CDH12: variants seen among roughly 807,000 people sequenced by gnomAD.
CDH12 encodes cadherin 12.
CDH12 carries 41 observed loss-of-function variants against 74.1 expected under a neutral mutation model. The ratio of observed to expected loss-of-function variants is 0.55; its 90% CI spans 0.43 to 0.72. CDH12 has a LOEUF of 0.72. CDH12 is among the 30% of genes least tolerant of loss of function. The pLI is 0.00. For missense variants in CDH12, 945 were observed against 977.2 expected (o/e 0.97, Z 0.44); for synonymous variants, 399 against 355.0 (o/e 1.12, Z -1.39).
At chr5:21,972,254 C>T (rs1286019374) in intron 6 of CDH12, among the ~76,000 whole-genome samples, 1 of 152,002 alleles carries the variant, frequency 6.6e-6, no homozygotes, top group Non-Finnish European at 1.5e-5. Context: ...ATTAATTCTT[C>T]CCTTTTTTTG....
chr5:22,416,398 T>A (rs2126485278), intron 2 of CDH12, among the ~76,000 whole-genome samples: 1 of 152,260 alleles, frequency 6.6e-6, no homozygotes, highest in East Asian at 1.9e-4. Context: ...AAGGTGATTT[T>A]TCTGGAATAT....
chr5:22,466,186 T>C (rs1745720892), intron 2 of CDH12, among the ~76,000 whole-genome samples: 1 of 152,228 alleles, frequency 6.6e-6, no homozygotes, highest in Admixed American at 6.5e-5. Context: ...TTGATAACCC[T>C]CCTTCCTGAG....
chr5:22,262,578 G>A lies in CDH12; in HGVS notation c.-332-49935C>T, dbSNP rs1196889240. Among the ~76,000 whole-genome samples, 9 of 150,870 alleles carry A rather than the reference G, an allele frequency of 6.0e-5. No individual in the cohort carries two copies. In the South Asian group the frequency reaches 6.3e-4, roughly 11 times the overall value. ...GTGAATAGTGCCGCAATAAACATAC[G>A]TGTGCATGTGTCTTTATAGCAGCAT... On this transcript the variant is annotated intron_variant, in intron 3 of 14. Coordinates refer to ENST00000382254, the MANE Select transcript of CDH12 (RefSeq NM_004061.5).
At chr5:22,175,811 AACTGGATCAGCTC>A (rs1404148268) in intron 4 of CDH12, among the ~76,000 whole-genome samples, 1 of 152,090 alleles carries the variant, frequency 6.6e-6, no homozygotes, top group Admixed American at 6.6e-5. Flanking sequence ...CTTAGCAAGA[AACTGGATCAGCTC>A]ACCTGAACTA....
chr5:22,533,157 G>A (rs553591548), intron 1 of CDH12, among the ~76,000 whole-genome samples: 27 of 152,068 alleles, frequency 1.8e-4, no homozygotes, highest in African/African-American at 6.5e-4. Context: ...TTCTCAACAG[G>A]GAGAGATTTG....
intron 3 of CDH12, among the ~76,000 whole-genome samples, chr5:22,231,918 A>G (rs530404613): frequency 4.8e-4 from 73 of 152,092 alleles, no homozygotes; most frequent in Admixed American, 1.5e-3. Context: ...TACATTGTGC[A>G]TGAAGAAACA....
At chr5:22,329,014 A>ATCTTGCTTTTG (rs1739239382) in intron 3 of CDH12, among the ~76,000 whole-genome samples, 1 of 152,212 alleles carries the variant, frequency 6.6e-6, no homozygotes, top group African/African-American at 2.4e-5. Context: ...AAGGCAAAAT[A>ATCTTGCTTTTG]AACAAGACAA....
chr5:22,637,523 A>G (rs1378153787), intron 1 of CDH12, among the ~76,000 whole-genome samples: 1 of 152,240 alleles, frequency 6.6e-6, no homozygotes, highest in Non-Finnish European at 1.5e-5. Context: ...GCACAGGACA[A>G]AAGTACTCCT....
intron 1 of CDH12, among the ~76,000 whole-genome samples, chr5:22,676,727 G>T (rs1260053972): frequency 2.6e-5 from 4 of 152,152 alleles, no homozygotes; most frequent in Non-Finnish European, 5.9e-5. Flanking sequence ...TCACAGTGTG[G>T]TAAGTTCTAC....
At chr5:22,327,657 A>G (rs1739178484) in intron 3 of CDH12, among the ~76,000 whole-genome samples, 1 of 152,148 alleles carries the variant, frequency 6.6e-6, no homozygotes. Context: ...TATTACTTTT[A>G]CCTCTTACTA....
intron 1 of CDH12, among the ~76,000 whole-genome samples, chr5:22,774,512 A>G (rs1397089825): frequency 6.6e-6 from 1 of 152,040 alleles, no homozygotes; most frequent in Admixed American, 6.6e-5. Context: ...AATGGGAGGT[A>G]ATTGAATCAT....
At chr5:22,585,517 C>T (rs1322721947) in intron 1 of CDH12, among the ~76,000 whole-genome samples, 1 of 152,076 alleles carries the variant, frequency 6.6e-6, no homozygotes. Context: ...TTATCTTCTT[C>T]GGGAAAATCC....
In CDH12 at chr5:21,833,208, T is replaced by TA. The variant is rs1273246760; in HGVS notation, c.814+8952dup. Among the ~76,000 whole-genome samples the TA allele has an allele frequency of 8.2e-3, 351 of 42,612 alleles. 139 individuals are homozygous for TA. The highest frequency in any genetic ancestry group is 0.023 in the African/African-American group (104 of 4,444). The allele number at this position is 42,612 out of a possible 152,430, so 28.0% of individuals were successfully genotyped here. ...TATATAACATATAATATATATATTA[T>TA]AATATATATTATATGTTATATAACA... On this transcript the variant is annotated intron_variant, in intron 8 of 14. Coordinates refer to ENST00000382254, the MANE Select transcript of CDH12 (RefSeq NM_004061.5).
intron 3 of CDH12, among the ~76,000 whole-genome samples, chr5:22,341,370 G>A (rs901808442): frequency 1.3e-5 from 2 of 152,118 alleles, no homozygotes; most frequent in African/African-American, 2.4e-5. Flanking sequence ...GGCTATGTTT[G>A]ACTTGAGCAG....
chr5:22,573,820 T>C (rs1739649531), intron 1 of CDH12, among the ~76,000 whole-genome samples: 3 of 152,116 alleles, frequency 2.0e-5, no homozygotes, highest in Non-Finnish European at 4.4e-5. Context: ...ATGAAATTGA[T>C]ATATTGGACT....
At chr5:22,408,529 C>T (rs911487866) in intron 2 of CDH12, among the ~76,000 whole-genome samples, 4 of 151,352 alleles carry the variant, frequency 2.6e-5, no homozygotes, top group African/African-American at 4.9e-5. Flanking sequence ...TGCCAAGTAA[C>T]ATTGAAGAAT....
intron 5 of CDH12, among the ~76,000 whole-genome samples, chr5:21,977,142 T>TA (rs753597083): frequency 4.6e-5 from 7 of 152,086 alleles, no homozygotes; most frequent in Non-Finnish European, 8.8e-5. Flanking sequence ...GGTAATATAA[T>TA]AAAAATAATG....
intron 1 of CDH12, among the ~76,000 whole-genome samples, chr5:22,605,741 C>T (rs1171380218): frequency 1.3e-5 from 2 of 152,260 alleles, no homozygotes; most frequent in African/African-American, 4.8e-5. Flanking sequence ...AGCCCATAGG[C>T]TGCTAGCTAT....
At chr5:22,567,894 A>T (rs1204129112) in intron 1 of CDH12, among the ~76,000 whole-genome samples, 1 of 152,134 alleles carries the variant, frequency 6.6e-6, no homozygotes, top group African/African-American at 2.4e-5. Flanking sequence ...ATTTTGACTT[A>T]TTTTTGCCCT....
Sources: gnomAD v4.1 joint callset for allele counts (sites outside exome capture counted in the v4.1 genomes callset) on GRCh38, gnomAD v4.1.1 for gene constraint, MANE v1.5 for transcripts, NCBI Gene and HGNC (gene_info 2026-07-23, HGNC 2026-07-21) for gene names.